CDKL5: variants seen among roughly 807,000 people sequenced by gnomAD.
The protein encoded by CDKL5 is cyclin-dependent kinase-like 5.
In CDKL5, 8 loss-of-function variants were observed where a neutral mutation model predicts 61.7. The ratio of observed to expected loss-of-function variants is 0.13; its 90% confidence interval spans 0.08 to 0.23. The LOEUF is 0.23. CDKL5 is among the 10% of genes least tolerant of loss of function. The pLI is 1.00. For synonymous variants in CDKL5, 275 were observed against 272.3 expected, an observed-to-expected ratio of 1.01 and a Z score of -0.10; for missense variants, 440 against 734.5, an observed-to-expected ratio of 0.60 and a Z score of 4.63.
chrX:18,475,141 T>A (rs1270044931), intron 1 of CDKL5, among the ~76,000 whole-genome samples: 1 of 109,853 alleles, frequency 9.1e-6, no homozygotes, highest in African/African-American at 3.3e-5. Context: ...GTATTTTTAG[T>A]AGAGACGGGG....
At chrX:18,653,614 A>C in exon 22 of CDKL5, 1 of 1,129,580 alleles carries the variant, frequency 8.9e-7, no homozygotes, top group Non-Finnish European at 1.2e-6. Context: ...ATTAACACCA[A>C]TGAATCAACC....
intron 3 of CDKL5, among the ~76,000 whole-genome samples, chrX:18,520,835 C>G (rs1023707097): frequency 8.9e-6 from 1 of 111,767 alleles, no homozygotes; most frequent in Non-Finnish European, 1.9e-5. Flanking sequence ...CTCCCAGGTT[C>G]GAGTGATTCT....
At chrX:18,528,275 C>G (rs776398736) in intron 3 of CDKL5, among the ~76,000 whole-genome samples, 1 of 85,268 alleles carries the variant, frequency 1.2e-5, no homozygotes, top group South Asian at 6.3e-4. Context: ...CTGTATCTAT[C>G]GGTTACTGAA....
chrX:18,635,030 G>A lies in CDKL5; in HGVS notation c.*6273G>A. The A allele has an allele frequency of 1.3e-6, 1 of 749,957 alleles. No individual in the cohort carries two copies. The highest frequency in any genetic ancestry group is 1.6e-6 in the Non-Finnish European group (1 of 637,193). The allele number at this position is 749,957 out of a possible 1,213,427, so 61.8% of individuals were successfully genotyped here. A position where few individuals can be genotyped will look rare whatever the true frequency, so the allele number is the denominator to read the frequency against. ...CAGACTTTATAATCCATTATATAAA[G>A]TGTAATTCCATACTTTTTACTGTGG... On this transcript the variant is annotated 3_prime_UTR_variant, in exon 18 of 18. Transcript: ENST00000623535.
intron 3 of CDKL5, among the ~76,000 whole-genome samples, chrX:18,546,098 T>C (rs1490196620): frequency 1.8e-5 from 2 of 110,704 alleles, no homozygotes; most frequent in East Asian, 5.7e-4. Context: ...GCACAGAAAT[T>C]GGGGTGTACT....
intron 1 of CDKL5, among the ~76,000 whole-genome samples, chrX:18,446,458 A>T (rs1931880678): frequency 8.9e-6 from 1 of 112,048 alleles, no homozygotes; most frequent in Non-Finnish European, 1.9e-5. Context: ...TTGGACATTG[A>T]TTGTATAGAA....
Position 18,545,104 on chromosome X carries a change from T to TAGTA in CDKL5, c.100-19372_100-19369dup, listed in dbSNP as rs747100987. ...TTAGCCTTGTGTGGTGGCACACAGA[T>TAGTA]AGTAGCCTGTAGTCCCAGCTACTCA... On this transcript the variant is annotated intron_variant, in intron 3 of 17. Coordinates refer to ENST00000623535, the MANE Select transcript of CDKL5 (RefSeq NM_001323289.2). Among the ~76,000 whole-genome samples the TAGTA allele has an allele frequency of 2.7e-5, 3 of 110,089 alleles. No individual in the cohort carries two copies. The South Asian group carries it at 1.2e-3, about 44-fold the overall frequency.
intron 1 of CDKL5, among the ~76,000 whole-genome samples, chrX:18,452,653 T>C (rs1480145572): frequency 9.1e-6 from 1 of 109,529 alleles, no homozygotes. Flanking sequence ...GTATTCTTTT[T>C]CTGTGTTTCT....
chrX:18,463,753 GA>G (rs1311071523), intron 1 of CDKL5, among the ~76,000 whole-genome samples: 4 of 111,924 alleles, frequency 3.6e-5, no homozygotes, highest in African/African-American at 6.5e-5. Flanking sequence ...CAACTAAGAA[GA>G]AAAAAGATGA....
At chrX:18,480,997 A>G (rs1921532065) in intron 1 of CDKL5, among the ~76,000 whole-genome samples, 1 of 108,373 alleles carries the variant, frequency 9.2e-6, no homozygotes. Flanking sequence ...AGCTTGGATT[A>G]CAGGTGTGTG....
intron 15 of CDKL5, among the ~76,000 whole-genome samples, chrX:18,619,439 A>T (rs1926820879): frequency 8.9e-6 from 1 of 111,806 alleles, no homozygotes. Context: ...GTATCTTGAC[A>T]AGTCGCTAAT....
intron 7 of CDKL5, 102 bp from the exon 8 acceptor site, chrX:18,584,161 C>A: frequency 1.7e-6 from 1 of 573,757 alleles, no homozygotes; most frequent in Non-Finnish European, 3.1e-6. Context: ...TCATTACATT[C>A]TTTTGATGTT....
intron 3 of CDKL5, among the ~76,000 whole-genome samples, chrX:18,552,360 T>C (rs1924430082): frequency 8.9e-6 from 1 of 112,047 alleles, no homozygotes; most frequent in Admixed American, 9.5e-5. Flanking sequence ...TCTTTTAAAA[T>C]TATGGGAGGA....
chrX:18,515,344 A>C (rs550216882), intron 3 of CDKL5, among the ~76,000 whole-genome samples: 1 of 111,988 alleles, frequency 8.9e-6, no homozygotes, highest in African/African-American at 3.2e-5. Context: ...TCCTGTGACT[A>C]TGGTTGACTT....
At chrX:18,457,443 C>T (rs1352002218) in intron 1 of CDKL5, 1 of 111,279 alleles carries the variant, frequency 9.0e-6, no homozygotes, top group African/African-American at 3.3e-5. Context: ...CTGTGCGGAG[C>T]TCTATTGTAG....
intron 3 of CDKL5, among the ~76,000 whole-genome samples, chrX:18,515,443 G>A (rs1922980398): frequency 9.0e-6 from 1 of 111,623 alleles, no homozygotes; most frequent in Admixed American, 9.5e-5. Context: ...CCAACATTGG[G>A]GTACAGCCTA....
intron 17 of CDKL5, among the ~76,000 whole-genome samples, chrX:18,626,479 A>G (rs1328657512): frequency 1.8e-5 from 2 of 110,250 alleles, no homozygotes; most frequent in African/African-American, 6.6e-5. Flanking sequence ...CTAACATAAT[A>G]TAAGCTGGGG....
chrX:18,632,980 A>T lies in CDKL5; in HGVS notation c.*4223A>T. On this transcript the variant is annotated 3_prime_UTR_variant, in exon 18 of 18. Coordinates refer to ENST00000623535, the MANE Select transcript of CDKL5 (RefSeq NM_001323289.2). ...GATTACTTTGCAAGTGTGTAGAAAG[A>T]TCTGTCTATTTCTGTTCACCTGGGA... is the stretch of plus-strand genomic sequence containing the variant. 8.0e-6 allele frequency: 6 copies of T among 754,408 alleles called. No individual in the cohort carries two copies. Among genetic ancestry groups the T allele is most frequent in the Non-Finnish European group, 9.4e-6 (6 of 639,291 alleles). The allele number at this position is 754,408 out of a possible 1,213,427, so 62.2% of individuals were successfully genotyped here.
intron 11 of CDKL5, among the ~76,000 whole-genome samples, chrX:18,602,065 A>G (rs1008622531): frequency 9.0e-6 from 1 of 111,329 alleles, no homozygotes; most frequent in Non-Finnish European, 1.9e-5. Flanking sequence ...GCCTGCAGGG[A>G]AGGAGCAGGG....
Sources: allele counts gnomAD v4.1 joint callset (sites outside exome capture counted in the v4.1 genomes callset), GRCh38; gene constraint gnomAD v4.1.1; transcripts MANE v1.5; gene names NCBI Gene and HGNC (gene_info 2026-07-23, HGNC 2026-07-21).